Variants in SLC44A5 observed in about 807,000 individuals in gnomAD.
The protein encoded by SLC44A5 is choline transporter-like protein 5.
Under a neutral mutation model 101.8 loss-of-function variants are expected in SLC44A5, and 57 were observed. The ratio of observed to expected loss-of-function variants is 0.56; its 90% CI spans 0.45 to 0.70. The LOEUF (loss-of-function observed/expected upper bound fraction) is 0.70. Ranked by LOEUF, SLC44A5 falls within the 30% of genes least tolerant of loss-of-function variation. The pLI, the probability that SLC44A5 is intolerant of heterozygous loss-of-function variation, is 0.00. For synonymous variants in SLC44A5, 281 were observed against 290.9 expected (o/e 0.97, Z 0.35); for missense variants, 737 against 853.1 (o/e 0.86, Z 1.70).
In SLC44A5 at chr1:75,457,440, G is replaced by T. The variant is rs192563282; in HGVS notation, c.14-60819C>A. ...GAAGACATGCTTAAGTCAAGCTGCA[G>T]TCTTAAAGAATAATAATAACTAACC... On this transcript the variant is annotated intron_variant, in intron 2 of 23. Transcript: ENST00000370859. Among the ~76,000 whole-genome samples, 197 of 152,316 alleles carry T rather than the reference G, an allele frequency of 1.3e-3. 2 individuals are homozygous for T. The highest frequency in any genetic ancestry group is 4.7e-3 in the African/African-American group (194 of 41,582).
At chr1:75,255,314 G>T (rs1649927193) in intron 6 of SLC44A5, among the ~76,000 whole-genome samples, 1 of 151,860 alleles carries the variant, frequency 6.6e-6, no homozygotes, top group South Asian at 2.1e-4. Flanking sequence ...GCATAGGAGG[G>T]AACTTTAAAA....
intron 2 of SLC44A5, among the ~76,000 whole-genome samples, chr1:75,437,936 C>A (rs2101617197): frequency 6.6e-6 from 1 of 152,168 alleles, no homozygotes; most frequent in Admixed American, 6.6e-5. Context: ...ATGCACATTT[C>A]TTTTGATCTA....
Position 75,475,333 on chromosome 1 carries a change from G to A in SLC44A5, c.13+66102C>T, listed in dbSNP as rs144308267. Among the ~76,000 whole-genome samples, 885 of 152,318 alleles carry A rather than the reference G, an allele frequency of 5.8e-3. 4 individuals carry two copies. Among genetic ancestry groups the A allele is most frequent in the African/African-American group, 0.02 (848 of 41,566 alleles). ...GAAAGGAATGATGAGGAAGGTATTT[G>A]ATAGAAATTTCAGTAGATGAGCTTT... is the stretch of plus-strand genomic sequence containing the variant. On this transcript the variant is annotated intron_variant, in intron 2 of 23. Coordinates refer to ENST00000370859, the MANE Select transcript of SLC44A5 (RefSeq NM_001130058.2).
At chr1:75,465,836 A>C (rs968638064) in intron 2 of SLC44A5, among the ~76,000 whole-genome samples, 1 of 152,184 alleles carries the variant, frequency 6.6e-6, no homozygotes, top group Non-Finnish European at 1.5e-5. Context: ...CCAGGAAAAA[A>C]TCCAAAACCT....
intron 2 of SLC44A5, among the ~76,000 whole-genome samples, chr1:75,499,517 T>G (rs10157357): frequency 0.14 from 20,684 of 152,236 alleles, 1,538 homozygotes; most frequent in African/African-American, 0.16. Context: ...TGGGGAACCC[T>G]GCTCTAAGGT....
the SLC44A5 span, among the ~76,000 whole-genome samples, chr1:75,722,759 T>C: frequency 6.6e-6 from 1 of 152,224 alleles, no homozygotes; most frequent in East Asian, 1.9e-4. Context: ...CATTTCTACG[T>C]TCGTCCCTTC....
At chr1:75,443,435 G>A (rs750432270) in intron 2 of SLC44A5, among the ~76,000 whole-genome samples, 2 of 151,826 alleles carry the variant, frequency 1.3e-5, no homozygotes, top group East Asian at 1.9e-4. Context: ...TACAAACATA[G>A]GAATGTTTAA....
the SLC44A5 span, among the ~76,000 whole-genome samples, chr1:75,691,192 T>A: frequency 6.6e-6 from 1 of 152,116 alleles, no homozygotes; most frequent in Non-Finnish European, 1.5e-5. Flanking sequence ...AGGGTCAAGG[T>A]CCCACCAGCA....
At chr1:75,650,992 C>A in the SLC44A5 span, among the ~76,000 whole-genome samples, 1 of 152,160 alleles carries the variant, frequency 6.6e-6, no homozygotes. Flanking sequence ...TCCCAGATGA[C>A]CACTGATAAA....
At chr1:75,560,995 C>T (rs2102008181) in intron 1 of SLC44A5, among the ~76,000 whole-genome samples, 1 of 152,302 alleles carries the variant, frequency 6.6e-6, no homozygotes, top group African/African-American at 2.4e-5. Context: ...AAAACTACCT[C>T]TGATTAAAAC....
chr1:75,302,365 T>C (rs889357124), intron 4 of SLC44A5, among the ~76,000 whole-genome samples: 4 of 152,118 alleles, frequency 2.6e-5, no homozygotes, highest in African/African-American at 7.2e-5. Context: ...CCCTGGTGTG[T>C]AATCATAACT....
At chr1:75,641,365 G>A in the SLC44A5 span, 19 of 784,138 alleles carry the variant, frequency 2.4e-5, 1 homozygote, top group South Asian at 7.3e-5. Flanking sequence ...TATCGTCTCC[G>A]GGCATAAACT....
intron 23 of SLC44A5, chr1:75,206,679 G>C: frequency 2.5e-6 from 4 of 1,613,008 alleles, no homozygotes; most frequent in Non-Finnish European, 3.4e-6. Flanking sequence ...TTACGAAGTA[G>C]GGTTTTTCTG....
At chr1:75,437,652 G>A (rs1184956738) in intron 2 of SLC44A5, among the ~76,000 whole-genome samples, 1 of 152,048 alleles carries the variant, frequency 6.6e-6, no homozygotes, top group Non-Finnish European at 1.5e-5. Flanking sequence ...GGTGAAGAAG[G>A]GCCTATGGGG....
At chr1:75,630,285 C>T in the SLC44A5 span, among the ~76,000 whole-genome samples, 14 of 152,268 alleles carry the variant, frequency 9.2e-5, no homozygotes, top group African/African-American at 3.4e-4. Context: ...GGGTCCACCT[C>T]TCAGTTCCTG....
chr1:75,524,367 G>A (rs1415847732), intron 2 of SLC44A5, among the ~76,000 whole-genome samples: 1 of 152,144 alleles, frequency 6.6e-6, no homozygotes, highest in African/African-American at 2.4e-5. Context: ...CCCAGTCGCA[G>A]GTAGTTCTTT....
At chr1:75,316,548 G>A (rs377199089) in intron 4 of SLC44A5, among the ~76,000 whole-genome samples, 1 of 152,108 alleles carries the variant, frequency 6.6e-6, no homozygotes, top group Non-Finnish European at 1.5e-5. Context: ...ATTTGAATAC[G>A]GGAAACTTCA....
chr1:75,511,021 T>C (rs1234940735), intron 2 of SLC44A5, among the ~76,000 whole-genome samples: 2 of 152,138 alleles, frequency 1.3e-5, no homozygotes, highest in East Asian at 1.9e-4. Flanking sequence ...CAGGAGCCTG[T>C]AGTCCCAGCT....
At chr1:75,720,329 G>T in the SLC44A5 span, 1 of 152,182 alleles carries the variant, frequency 6.6e-6, no homozygotes, top group Non-Finnish European at 1.5e-5. Flanking sequence ...TGGAGCGTAG[G>T]TCTGTATAGT....
Sources: gnomAD v4.1 joint callset for allele counts (sites outside exome capture counted in the v4.1 genomes callset) on GRCh38, gnomAD v4.1.1 for gene constraint, MANE v1.5 for transcripts, NCBI Gene and HGNC (gene_info 2026-07-23, HGNC 2026-07-21) for gene names.